MTHFD1L: variants seen among roughly 807,000 people sequenced by gnomAD.
The protein encoded by MTHFD1L is monofunctional C1-tetrahydrofolate synthase, mitochondrial.
MTHFD1L carries 81 observed loss-of-function variants against 119.5 expected under a neutral mutation model. The observed-to-expected ratio is 0.68, with a 90% CI of 0.57 to 0.82. The LOEUF (loss-of-function observed/expected upper bound fraction) is 0.82, where lower values mean the gene tolerates loss of function less well. MTHFD1L is among the 40% of genes least tolerant of loss of function. The pLI, the probability that MTHFD1L is intolerant of heterozygous loss-of-function variation, is 0.00. For synonymous variants in MTHFD1L, 430 were observed against 475.2 expected (o/e 0.90, Z 1.24); for missense variants, 1,125 against 1,253.4 (o/e 0.90, Z 1.55).
intron 26 of MTHFD1L, among the ~76,000 whole-genome samples, chr6:151,063,891 A>T (rs1790923540): frequency 1.3e-5 from 2 of 151,092 alleles, no homozygotes; most frequent in East Asian, 1.9e-4. Context: ...TTTTTTTCAG[A>T]TTTGAATAAA....
chr6:150,889,183 A>AAAAG (rs386408937), intron 7 of MTHFD1L, among the ~76,000 whole-genome samples: 1 of 152,106 alleles, frequency 6.6e-6, no homozygotes, highest in Non-Finnish European at 1.5e-5. Flanking sequence ...TCTCAAAAAA[A>AAAAG]AAAGCTAAAA....
intron 12 of MTHFD1L, among the ~76,000 whole-genome samples, chr6:150,937,867 G>A (rs1185233506): frequency 6.6e-6 from 1 of 152,186 alleles, no homozygotes; most frequent in Non-Finnish European, 1.5e-5. Context: ...GGGCGGTGTT[G>A]TTCTGCTTTA....
At chr6:151,060,189 T>C (rs948541830) in intron 26 of MTHFD1L, among the ~76,000 whole-genome samples, 1 of 152,214 alleles carries the variant, frequency 6.6e-6, no homozygotes, top group Non-Finnish European at 1.5e-5. Context: ...TTATTGTTCT[T>C]ACCAGGAGAG....
chr6:150,952,212 T>C (rs1276901261), intron 16 of MTHFD1L, among the ~76,000 whole-genome samples: 1 of 152,242 alleles, frequency 6.6e-6, no homozygotes, highest in East Asian at 1.9e-4. Context: ...AAAACTTTAT[T>C]GCTGTGGACA....
At chr6:150,925,931 T>A (rs1392273086) in intron 10 of MTHFD1L, among the ~76,000 whole-genome samples, 191 bp from the exon 11 acceptor site, 1 of 152,136 alleles carries the variant, frequency 6.6e-6, no homozygotes, top group African/African-American at 2.4e-5. Context: ...GGAGTTGCAT[T>A]TCTAAAATGA....
At chr6:151,010,164 A>G (rs1584108944) in intron 21 of MTHFD1L, among the ~76,000 whole-genome samples, 1 of 152,074 alleles carries the variant, frequency 6.6e-6, no homozygotes, top group African/African-American at 2.4e-5. Context: ...CAACACCACC[A>G]TAGGGCACTT....
intron 8 of MTHFD1L, among the ~76,000 whole-genome samples, chr6:150,913,185 G>A (rs1259476073): frequency 6.6e-6 from 1 of 151,636 alleles, no homozygotes; most frequent in East Asian, 2.0e-4. Flanking sequence ...TTTTGAGGCA[G>A]AGTCTCGCTC....
intron 20 of MTHFD1L, among the ~76,000 whole-genome samples, chr6:150,992,674 G>A (rs112433482): frequency 0.011 from 1,746 of 152,312 alleles, 32 homozygotes; most frequent in African/African-American, 0.04. Context: ...AAATCTGGAT[G>A]TCAATGGCCA....
intron 1 of MTHFD1L, among the ~76,000 whole-genome samples, chr6:150,867,791 A>G (rs1000661868): frequency 1.6e-5 from 2 of 125,464 alleles, no homozygotes; most frequent in South Asian, 4.9e-4. Context: ...ATTCATACAT[A>G]TTCTTTTTTT....
intron 20 of MTHFD1L, among the ~76,000 whole-genome samples, chr6:150,998,082 C>G (rs555345616): frequency 1.3e-5 from 2 of 152,200 alleles, no homozygotes; most frequent in Non-Finnish European, 2.9e-5. Context: ...AAAACTGAAT[C>G]AAAATCTTGT....
At chr6:151,037,931 C>G (rs984798873) in intron 26 of MTHFD1L, among the ~76,000 whole-genome samples, 6 of 152,224 alleles carry the variant, frequency 3.9e-5, no homozygotes, top group African/African-American at 1.2e-4. Flanking sequence ...TTATCGTCAT[C>G]ATTAGTGCAA....
In MTHFD1L at chr6:151,092,545, G is replaced by A; in HGVS notation, c.2926G>A (p.Gly976Ser). 6.2e-7 allele frequency: 1 copy of A among 1,613,826 alleles called. No individual in the cohort carries two copies. Among genetic ancestry groups the A allele is most frequent in the Non-Finnish European group, 8.5e-7 (1 of 1,179,826 alleles). The change falls in exon 27 of 28, where the codon GGC (glycine) becomes AGC (serine). Residue 976 changes from glycine (G) to serine (S), a missense_variant. Gly to Ser is a moderately conservative substitution (Grantham distance 56, BLOSUM62 0). Transcript: ENST00000367321. The part of the protein sequence containing the change: ...DLDTETEQVK[G>S]LF ...TGATACCGAAACAGAACAAGTTAAA[G>A]GCTTGTTCTAAGTGGACAAGGCTCT...
At chr6:150,959,337 T>A in intron 17 of MTHFD1L, 2 of 332,178 alleles carry the variant, frequency 6.0e-6, no homozygotes, top group Non-Finnish European at 8.6e-6. Flanking sequence ...CTTGTCTGGC[T>A]CACACTCCCC....
intron 25 of MTHFD1L, among the ~76,000 whole-genome samples, chr6:151,035,346 C>G (rs982837107): frequency 1.1e-4 from 17 of 152,276 alleles, no homozygotes; most frequent in African/African-American, 3.6e-4. Context: ...ACTTTAAGAG[C>G]CTGCTGGCTA....
In MTHFD1L at chr6:150,994,077, A is replaced by AAAAAAAG. The variant is rs1554273890; in HGVS notation, c.2126-15739_2126-15738insAAAGAAA. Among the ~76,000 whole-genome samples the AAAAAAAG allele has an allele frequency of 5.7e-5, 6 of 105,300 alleles. No individual in the cohort carries two copies. In the South Asian group the frequency reaches 1.8e-3, roughly 32 times the overall value. The allele number at this position is 105,300 out of a possible 152,430, so 69.1% of individuals were successfully genotyped here. On this transcript the variant is annotated intron_variant, in intron 20 of 27. Transcript: ENST00000367321. ...TAACAACAACAGTAAAAAAAAAAAA[A>AAAAAAAG]AAAGAAAGAAAGAAAGAAAGTGACC...
At chr6:150,954,906 A>G (rs1207407239) in intron 16 of MTHFD1L, among the ~76,000 whole-genome samples, 1 of 152,086 alleles carries the variant, frequency 6.6e-6, no homozygotes, top group African/African-American at 2.4e-5. Flanking sequence ...ACACCCAGCC[A>G]ATAACTGAAA....
At chr6:150,891,628 C>T (rs574030492) in intron 7 of MTHFD1L, among the ~76,000 whole-genome samples, 20 of 151,028 alleles carry the variant, frequency 1.3e-4, no homozygotes, top group African/African-American at 2.4e-4. Context: ...ATGCAAACTA[C>T]GAACCAAATC....
chr6:151,028,012 C>T (rs950322958), intron 24 of MTHFD1L, among the ~76,000 whole-genome samples: 1 of 152,068 alleles, frequency 6.6e-6, no homozygotes, highest in African/African-American at 2.4e-5. Context: ...CCAGTGGTGG[C>T]GAGGTTGAGG....
At chr6:151,001,735 G>A (rs1780652806) in intron 20 of MTHFD1L, among the ~76,000 whole-genome samples, 2 of 152,050 alleles carry the variant, frequency 1.3e-5, no homozygotes, top group Non-Finnish European at 2.9e-5. Flanking sequence ...GCCTGGGGTT[G>A]GGTACCAAGT....
Sources: gnomAD v4.1 joint callset for allele counts (sites outside exome capture counted in the v4.1 genomes callset) on GRCh38, gnomAD v4.1.1 for gene constraint, MANE v1.5 for transcripts, NCBI Gene and HGNC (gene_info 2026-07-23, HGNC 2026-07-21) for gene names.